PRKN: variants seen among roughly 807,000 people sequenced by gnomAD.
The protein encoded by PRKN is parkin RBR E3 ubiquitin protein ligase.
Under a neutral mutation model 59.5 loss-of-function variants are expected in PRKN, and 56 were observed. That is an observed-to-expected ratio of 0.94 (90% CI 0.76 to 1.18). The LOEUF is 1.18. Among genes scored for constraint, PRKN ranks in the 50% most tolerant of loss-of-function variants. The pLI is 0.00. For synonymous variants in PRKN, 250 were observed against 222.1 expected, an observed-to-expected ratio of 1.13 and a Z score of -1.12; for missense variants, 657 against 596.4, an observed-to-expected ratio of 1.10 and a Z score of -1.06.
At chr6:162,223,758 C>A (rs1169870743) in intron 3 of PRKN, among the ~76,000 whole-genome samples, 4 of 151,848 alleles carry the variant, frequency 2.6e-5, no homozygotes, top group African/African-American at 9.7e-5. Flanking sequence ...GGTTTTTCCC[C>A]CTGAAATGTC....
intron 2 of PRKN, among the ~76,000 whole-genome samples, chr6:162,303,051 C>T (rs1410137756): frequency 6.7e-6 from 1 of 149,162 alleles, no homozygotes; most frequent in African/African-American, 2.5e-5. Context: ...GGAAACATAA[C>T]CAAACTGTCA....
At position 161,633,307 on chromosome 6, in the gene PRKN, CTG is replaced by C. The variant is rs563472034; in HGVS notation, c.872-63893_872-63892del. On this transcript the variant is annotated intron_variant, in intron 7 of 11. Transcript: ENST00000366898. ...ACCCTCATGATTCCAGTTTGTCATA[CTG>C]TGTTTTTATATTCCTTCCAATTGAG... Among the ~76,000 whole-genome samples the C allele has an allele frequency of 3.6e-4, 55 of 152,262 alleles. No individual in the cohort carries two copies. The East Asian group carries it at 9.3e-3, about 26-fold the overall frequency.
At chr6:162,362,826 T>G (rs986938945) in intron 2 of PRKN, among the ~76,000 whole-genome samples, 4 of 152,062 alleles carry the variant, frequency 2.6e-5, no homozygotes, top group African/African-American at 9.6e-5. Flanking sequence ...AAAACACTAT[T>G]CTATAAAAAT....
intron 4 of PRKN, among the ~76,000 whole-genome samples, chr6:162,145,729 T>C (rs778757970): frequency 6.6e-6 from 1 of 152,084 alleles, no homozygotes; most frequent in Non-Finnish European, 1.5e-5. Context: ...GTAAATACAG[T>C]GTTGGCCCGC....
intron 5 of PRKN, among the ~76,000 whole-genome samples, chr6:162,027,640 T>C (rs975310958): frequency 2.0e-5 from 3 of 152,162 alleles, no homozygotes; most frequent in African/African-American, 7.2e-5. Flanking sequence ...CCCAAATTTG[T>C]GTTTCCAGAT....
rs76947923 is a variant in PRKN, at chr6:161,534,723, C to A, written c.1083+14131G>T. ...CATCACCTCTGTGTGCCTGTAGCAT[C>A]TAGCAGAGAGCCACATACATGCTGG... On this transcript the variant is annotated intron_variant, in intron 9 of 11. Coordinates refer to ENST00000366898, the MANE Select transcript of PRKN (RefSeq NM_004562.3). 5.2e-3 allele frequency among the ~76,000 whole-genome samples: 794 copies of A among 152,356 alleles called. 9 individuals carry two copies. Among genetic ancestry groups the A allele is most frequent in the East Asian group, 0.025 (132 of 5,186 alleles).
At chr6:162,141,969 G>A (rs1781800874) in intron 4 of PRKN, among the ~76,000 whole-genome samples, 1 of 152,140 alleles carries the variant, frequency 6.6e-6, no homozygotes, top group Non-Finnish European at 1.5e-5. Flanking sequence ...AGTCTGCAAT[G>A]CACCATTGTA....
chr6:162,429,590 G>A (rs1215983378), intron 2 of PRKN, among the ~76,000 whole-genome samples: 6 of 152,046 alleles, frequency 3.9e-5, no homozygotes, highest in Admixed American at 2.6e-4. Context: ...TTAGTCTCAC[G>A]CTACAGTCTC....
At position 161,757,867 on chromosome 6, in the gene PRKN, C is replaced by G. The variant is rs1332058235; in HGVS notation, c.871+27905G>C. On this transcript the variant is annotated intron_variant, in intron 7 of 11. Transcript: ENST00000366898. Reference sequence around the variant, plus strand: ...TCTCTCTCTCTCTCTCTCTCTCTCTCTCTCTGTGTATATATATATACACAC... The same window carrying G: ...TCTCTCTCTCTCTCTCTCTCTCTCTGTCTCTGTGTATATATATATACACAC... 6.0e-4 allele frequency among the ~76,000 whole-genome samples: 60 copies of G among 99,570 alleles called. 2 individuals carry two copies. Among genetic ancestry groups the G allele is most frequent in the South Asian group, 1.7e-3 (4 of 2,398 alleles). The allele number at this position is 99,570 out of a possible 152,430, so 65.3% of individuals were successfully genotyped here.
intron 1 of PRKN, among the ~76,000 whole-genome samples, chr6:162,724,717 T>C (rs958725841): frequency 1.3e-5 from 2 of 152,206 alleles, no homozygotes; most frequent in Non-Finnish European, 2.9e-5. Flanking sequence ...GGAGACTCTC[T>C]CAGCACTCCC....
chr6:162,227,309 A>T (rs1322559568), intron 3 of PRKN, among the ~76,000 whole-genome samples: 1 of 152,038 alleles, frequency 6.6e-6, no homozygotes, highest in African/African-American at 2.4e-5. Context: ...TTTTTCCCCC[A>T]CCTTAATGTA....
intron 6 of PRKN, among the ~76,000 whole-genome samples, chr6:161,845,578 T>C (rs1367793106): frequency 1.3e-5 from 2 of 152,154 alleles, no homozygotes; most frequent in African/African-American, 2.4e-5. Flanking sequence ...AATTTTTGCA[T>C]AGCCAGGGTC....
At chr6:161,995,138 T>A (rs1338955898) in intron 5 of PRKN, among the ~76,000 whole-genome samples, 2 of 152,128 alleles carry the variant, frequency 1.3e-5, no homozygotes, top group Non-Finnish European at 2.9e-5. Flanking sequence ...TCAATTAGTG[T>A]ATTTACAGCC....
At chr6:162,068,710 C>T (rs192718483) in intron 4 of PRKN, among the ~76,000 whole-genome samples, 13 of 152,178 alleles carry the variant, frequency 8.5e-5, no homozygotes, top group Admixed American at 2.0e-4. Flanking sequence ...TAAGTAATAT[C>T]GTCAGGGGAA....
chr6:162,618,463 C>A (rs557769660), intron 1 of PRKN, among the ~76,000 whole-genome samples: 1 of 152,020 alleles, frequency 6.6e-6, no homozygotes, highest in African/African-American at 2.4e-5. Context: ...TAAATTTATA[C>A]AATTATATGG....
intron 9 of PRKN, among the ~76,000 whole-genome samples, chr6:161,465,950 AAAT>A (rs1432138214): frequency 6.6e-6 from 1 of 152,220 alleles, no homozygotes; most frequent in Non-Finnish European, 1.5e-5. Context: ...TATAATTGAT[AAAT>A]AATAATCATA....
intron 2 of PRKN, among the ~76,000 whole-genome samples, chr6:162,376,669 A>G: frequency 6.7e-6 from 1 of 148,808 alleles, no homozygotes; most frequent in Admixed American, 6.7e-5. Flanking sequence ...CTAGACAGCA[A>G]AGTAGTGCCG....
At chr6:162,456,598 C>G (rs909617531) in intron 1 of PRKN, among the ~76,000 whole-genome samples, 1 of 152,104 alleles carries the variant, frequency 6.6e-6, no homozygotes, top group African/African-American at 2.4e-5. Context: ...TTTCTATAGG[C>G]TATAGTTGTA....
At position 162,104,055 on chromosome 6, in the gene PRKN, C is replaced by T. The variant is rs74469024; in HGVS notation, c.535-49881G>A. Among the ~76,000 whole-genome samples, 999 of 152,250 alleles carry T rather than the reference C, an allele frequency of 6.6e-3. 8 individuals are homozygous for T. Among genetic ancestry groups the T allele is most frequent in the African/African-American group, 0.023 (936 of 41,546 alleles). On this transcript the variant is annotated intron_variant, in intron 4 of 11. Transcript: ENST00000366898. Reference sequence around the variant, plus strand: ...AGCAAAGGAGAGGCCTTCTGCAGTGCGGCCATTAAGATCATGGTCTGGGAA... The same window carrying T: ...AGCAAAGGAGAGGCCTTCTGCAGTGTGGCCATTAAGATCATGGTCTGGGAA...
Sources: allele counts gnomAD v4.1 joint callset (sites outside exome capture counted in the v4.1 genomes callset), GRCh38; gene constraint gnomAD v4.1.1; transcripts MANE v1.5; gene names NCBI Gene and HGNC (gene_info 2026-07-23, HGNC 2026-07-21).